The following CCDC97 variants were observed in gnomAD, a reference collection of about 807,000 sequenced individuals.
The protein encoded by CCDC97 is coiled-coil domain containing 97.
Under a neutral mutation model 33.9 loss-of-function variants are expected in CCDC97, and 27 were observed. The ratio of observed to expected loss-of-function variants is 0.80; its 90% CI spans 0.59 to 1.10. CCDC97 has a LOEUF of 1.10. Among genes scored for constraint, CCDC97 ranks in the 50% least tolerant of loss-of-function variants. The pLI is 0.00. For synonymous variants in CCDC97, 217 were observed against 194.0 expected (o/e 1.12, Z -0.99); for missense variants, 422 against 476.6 (o/e 0.89, Z 1.07).
intron 1 of CCDC97, among the ~76,000 whole-genome samples, chr19:41,314,002 T>C (rs2037715517): frequency 6.6e-6 from 1 of 151,842 alleles, no homozygotes; most frequent in East Asian, 2.0e-4. Flanking sequence ...CCCAGCCAGC[T>C]TTCCTGTTTT....
rs137877485 is a variant in CCDC97 at position 41,317,480 on chromosome 19, T to C, written c.502+641T>C. 8.3e-4 allele frequency among the ~76,000 whole-genome samples: 126 copies of C among 152,198 alleles called. 1 individual carries two copies. The highest frequency in any genetic ancestry group is 3.0e-3 in the African/African-American group (123 of 41,528). The stretch of plus-strand genomic sequence containing the variant: ...GCTTATGCCTGTAATCCCAGCACTT[T>C]GGGAGGTCAAGGTGGGTAGATTACT... On this transcript the variant is annotated intron_variant, in intron 2 of 4. Transcript: ENST00000269967.
rs541560701 is a variant in CCDC97, at chr19:41,324,404, T to G, written c.*1689T>G. 16 of 152,376 alleles carry G rather than the reference T, an allele frequency of 1.1e-4. No homozygotes were observed. Among genetic ancestry groups the G allele is most frequent in the African/African-American group, 3.4e-4 (14 of 41,582 alleles). 9.4% of individuals were successfully genotyped at this position (152,376 alleles called of 1,614,324 possible). A position where few individuals can be genotyped will look rare whatever the true frequency, so the allele number is the denominator to read the frequency against. Reference sequence around the variant, plus strand: ...AAAGGTCCTAGAAACCACTTGGCTGTCTGGCCTCTCAGGTGTCAGGGCCAT... The same window carrying G: ...AAAGGTCCTAGAAACCACTTGGCTGGCTGGCCTCTCAGGTGTCAGGGCCAT... On this transcript the variant is annotated 3_prime_UTR_variant, in exon 5 of 5. Coordinates refer to ENST00000269967, the MANE Select transcript of CCDC97 (RefSeq NM_052848.3).
In CCDC97 at chr19:41,319,671, C is replaced by T. The variant is rs115805108; in HGVS notation, c.600C>T (p.Ala200=). The change falls in exon 3 of 5, where the codon GCC becomes GCT. Residue 200 remains alanine (A), a synonymous_variant. Coordinates refer to ENST00000269967, the MANE Select transcript of CCDC97 (RefSeq NM_052848.3). The part of the protein sequence containing the change: ...GQYLTQEELS[A]RTPTHQPPKP... Reference sequence around the variant, plus strand: ...ATCTCACCCAGGAGGAGCTCAGTGCCCGCACCCCAACCCACCAGCCCCCCA... The same window carrying T: ...ATCTCACCCAGGAGGAGCTCAGTGCTCGCACCCCAACCCACCAGCCCCCCA... 1.0e-4 allele frequency: 164 copies of T among 1,614,102 alleles called. No individual in the cohort carries two copies. In the African/African-American group the frequency reaches 2.1e-3, roughly 20 times the overall value.
In CCDC97 at chr19:41,319,557, GTCTC is replaced by G. The variant is rs1599875670; in HGVS notation, c.503-14_503-11del. On this transcript the variant is annotated splice_polypyrimidine_tract_variant and intron_variant, in intron 2 of 4. Coordinates refer to ENST00000269967, the MANE Select transcript of CCDC97 (RefSeq NM_052848.3). ...CAGTCGCTCACCCCATGCCCACCCT[GTCTC>G]TCCTCTGTGCAGGGGGCGAGTACTT... is the stretch of plus-strand genomic sequence containing the variant. The G allele has an allele frequency of 1.3e-6, 2 of 1,565,618 alleles. No individual in the cohort carries two copies. The highest frequency in any genetic ancestry group is 2.7e-5 in the African/African-American group (2 of 74,096).
chr19:41,321,068 C>T (rs920733120), intron 4 of CCDC97, among the ~76,000 whole-genome samples: 6 of 152,250 alleles, frequency 3.9e-5, no homozygotes, highest in African/African-American at 1.4e-4. Context: ...AGAGGACCCT[C>T]CTTGGTTTCA....
chr19:41,319,105 C>T (rs2037784185), intron 2 of CCDC97, among the ~76,000 whole-genome samples: 2 of 152,172 alleles, frequency 1.3e-5, no homozygotes, highest in Admixed American at 1.3e-4. Context: ...GCTTGTGCAT[C>T]GTGCCTGGAC....
chr19:41,317,635 C>A (rs1041358362), intron 2 of CCDC97, among the ~76,000 whole-genome samples: 2 of 150,406 alleles, frequency 1.3e-5, no homozygotes, highest in Non-Finnish European at 2.9e-5. Context: ...TTGCTTGAGC[C>A]TGGGAGGTGG....
chr19:41,319,244 C>A (rs574087916), intron 2 of CCDC97, among the ~76,000 whole-genome samples: 35 of 152,376 alleles, frequency 2.3e-4, no homozygotes, highest in African/African-American at 7.9e-4. Flanking sequence ...GGGCCACATA[C>A]ACACACTCAG....
At chr19:41,312,568 C>T (rs1426980057) in intron 1 of CCDC97, among the ~76,000 whole-genome samples, 1 of 152,254 alleles carries the variant, frequency 6.6e-6, no homozygotes, top group Non-Finnish European at 1.5e-5. Flanking sequence ...GTACTACAAA[C>T]TGCATGGCTT....
intron 2 of CCDC97, among the ~76,000 whole-genome samples, chr19:41,318,820 C>G (rs1368635664): frequency 6.6e-6 from 1 of 152,146 alleles, no homozygotes; most frequent in Admixed American, 6.5e-5. Context: ...GGAGGCTTTC[C>G]CAGGGATACA....
chr19:41,311,192 G>A (rs76853939), intron 1 of CCDC97, among the ~76,000 whole-genome samples: 186 of 152,298 alleles, frequency 1.2e-3, no homozygotes, highest in African/African-American at 4.4e-3. Context: ...TTTGAGACCA[G>A]CCTGGGCAAG....
chr19:41,320,255 C>T, intron 3 of CCDC97, 86 bp from the exon 4 acceptor site: 1 of 1,566,788 alleles, frequency 6.4e-7, no homozygotes, highest in South Asian at 1.2e-5. Context: ...AGGCTGGGCA[C>T]AGGAGCAGCA....
At position 41,310,243 on chromosome 19, in the gene CCDC97, T is replaced by A; in HGVS notation, c.-68T>A. ...GAACATTCTCAGGCGAAAGTGTCTC[T>A]TGCGTGCGTGGGCCGGAGGTTAGTG... On this transcript the variant is annotated 5_prime_UTR_variant, in exon 1 of 5. It adds an upstream start codon to the 5' untranslated region. Transcript: ENST00000269967. 1 of 1,551,676 alleles carries A rather than the reference T, an allele frequency of 6.4e-7. No individual in the cohort carries two copies. The highest frequency in any genetic ancestry group is 8.7e-7 in the Non-Finnish European group (1 of 1,145,766).
chr19:41,319,252 C>T (rs2037786310), intron 2 of CCDC97, among the ~76,000 whole-genome samples: 1 of 152,256 alleles, frequency 6.6e-6, no homozygotes, highest in African/African-American at 2.4e-5. Context: ...TACACACACT[C>T]AGGTGCCTGC....
chr19:41,318,298 A>C (rs1455765491), intron 2 of CCDC97, among the ~76,000 whole-genome samples: 1 of 152,108 alleles, frequency 6.6e-6, no homozygotes, highest in East Asian at 1.9e-4. Context: ...AAAATACAAA[A>C]AAAATTAGCC....
intron 2 of CCDC97, among the ~76,000 whole-genome samples, chr19:41,318,902 C>T (rs1158279726): frequency 2.0e-5 from 3 of 152,090 alleles, no homozygotes; most frequent in East Asian, 3.8e-4. Context: ...CACACATACA[C>T]GCCCCACAGT....
At chr19:41,313,489 TCA>T (rs1405496454) in intron 1 of CCDC97, among the ~76,000 whole-genome samples, 2 of 152,208 alleles carry the variant, frequency 1.3e-5, no homozygotes, top group African/African-American at 2.4e-5. Flanking sequence ...CTTGTCCAGC[TCA>T]GTCTTCAGCT....
At chr19:41,315,967 G>T (rs987714575) in intron 1 of CCDC97, among the ~76,000 whole-genome samples, 1 of 151,942 alleles carries the variant, frequency 6.6e-6, no homozygotes, top group African/African-American at 2.4e-5. Flanking sequence ...GGTGGTATAT[G>T]CCTGTGGTCC....
In CCDC97 at chr19:41,316,373, C is replaced by T. The variant is rs1203833709; in HGVS notation, c.47-11C>T. The T allele has an allele frequency of 1.2e-6, 2 of 1,602,176 alleles. No homozygotes were observed. The highest frequency in any genetic ancestry group is 1.7e-6 in the Non-Finnish European group (2 of 1,170,682). ...CCCATCTCTGAACTAACCAATCTCT[C>T]CTTTCCTCAGGCTGCATAGAGCCTG... On this transcript the variant is annotated splice_polypyrimidine_tract_variant and intron_variant, in intron 1 of 4. Coordinates refer to ENST00000269967, the MANE Select transcript of CCDC97 (RefSeq NM_052848.3).
Sources: allele counts gnomAD v4.1 joint callset (sites outside exome capture counted in the v4.1 genomes callset), GRCh38; gene constraint gnomAD v4.1.1; transcripts MANE v1.5; gene names NCBI Gene and HGNC (gene_info 2026-07-23, HGNC 2026-07-21).